Variants in GPC6 observed in about 807,000 individuals in gnomAD.
GPC6 encodes the protein glypican 6, also known as glypican-6.
A neutral mutation model predicts 55.2 loss-of-function variants in GPC6; 14 were observed. The observed-to-expected ratio is 0.25, with a 90% CI of 0.17 to 0.40. GPC6 has a LOEUF of 0.40. Ranked by LOEUF, GPC6 falls within the 10% of genes least tolerant of loss-of-function variation. GPC6 has a pLI of 1.00. For missense variants in GPC6, 641 were observed against 708.5 expected (o/e 0.90, Z 1.08); for synonymous variants, 278 against 259.6 (o/e 1.07, Z -0.68).
At chr13:93,379,129 G>T (rs1875049554) in intron 1 of GPC6, among the ~76,000 whole-genome samples, 1 of 152,102 alleles carries the variant, frequency 6.6e-6, no homozygotes, top group Non-Finnish European at 1.5e-5. Flanking sequence ...TGCACCCTAG[G>T]AGACAGTATC....
Position 93,822,847 on chromosome 13 carries a change from A to ATT in GPC6, c.320-7306_320-7305dup, listed in dbSNP as rs1458827720. Among the ~76,000 whole-genome samples the ATT allele has an allele frequency of 2.9e-3, 418 of 145,838 alleles. 2 individuals are homozygous for ATT. Among genetic ancestry groups the ATT allele is most frequent in the African/African-American group, 0.01 (393 of 38,436 alleles). ...CATTTTCTTTATTATTATTATTATT[A>ATT]TTATTATTTTATTATTATTATTATT... On this transcript the variant is annotated intron_variant, in intron 2 of 8. Transcript: ENST00000377047.
intron 1 of GPC6, among the ~76,000 whole-genome samples, chr13:93,392,098 C>T (rs1875656112): frequency 1.3e-5 from 2 of 152,126 alleles, no homozygotes; most frequent in Admixed American, 1.3e-4. Context: ...GCTTAGGTGT[C>T]TCTGGAAATC....
intron 3 of GPC6, among the ~76,000 whole-genome samples, chr13:93,958,266 G>T (rs890266140): frequency 2.6e-5 from 4 of 151,990 alleles, no homozygotes; most frequent in Non-Finnish European, 4.4e-5. Context: ...TGCTTTGGGG[G>T]ACTAGTCAAA....
intron 3 of GPC6, among the ~76,000 whole-genome samples, chr13:93,854,294 C>T (rs1287747264): frequency 6.6e-6 from 1 of 151,628 alleles, no homozygotes; most frequent in African/African-American, 2.4e-5. Flanking sequence ...ATCTCTGAAT[C>T]CGTATTTATT....
chr13:93,983,477 T>G (rs1880895254), intron 3 of GPC6, among the ~76,000 whole-genome samples: 1 of 151,980 alleles, frequency 6.6e-6, no homozygotes, highest in Non-Finnish European at 1.5e-5. Context: ...ACTCTGTTGG[T>G]CAAGCTGGAG....
intron 3 of GPC6, among the ~76,000 whole-genome samples, chr13:93,922,747 A>G (rs1444794861): frequency 6.6e-6 from 1 of 152,216 alleles, no homozygotes; most frequent in Non-Finnish European, 1.5e-5. Flanking sequence ...TTTCCCATGG[A>G]AAAGCAACTG....
intron 4 of GPC6, among the ~76,000 whole-genome samples, chr13:94,161,469 A>T (rs572765260): frequency 1.3e-5 from 2 of 152,340 alleles, no homozygotes; most frequent in African/African-American, 4.8e-5. Context: ...GTGGCCATTT[A>T]CATGTCTTAT....
chr13:93,585,352 A>G (rs1291351626), intron 2 of GPC6, among the ~76,000 whole-genome samples: 3 of 152,176 alleles, frequency 2.0e-5, no homozygotes, highest in Admixed American at 2.0e-4. Flanking sequence ...ACACACACAC[A>G]CATGCACAAT....
chr13:93,281,582 G>C (rs1366703003), intron 1 of GPC6, among the ~76,000 whole-genome samples: 2 of 152,184 alleles, frequency 1.3e-5, no homozygotes, highest in African/African-American at 4.8e-5. Flanking sequence ...CGGAGGCCAA[G>C]GCAGGTGGAT....
rs115378851 is a variant in GPC6 at position 93,709,057 on chromosome 13, T to C, written c.320-121097T>C. Among the ~76,000 whole-genome samples the C allele has an allele frequency of 3.4e-3, 520 of 151,950 alleles. 4 individuals are homozygous for C. The highest frequency in any genetic ancestry group is 0.012 in the African/African-American group (499 of 41,518). On this transcript the variant is annotated intron_variant, in intron 2 of 8. Transcript: ENST00000377047. ...TTTCTCAATGTAGACCCAGTTAAGATGCACAAATTAAGTGAGAATATTATT... is the reference window on the plus strand; with the variant it reads ...TTTCTCAATGTAGACCCAGTTAAGACGCACAAATTAAGTGAGAATATTATT...
At chr13:94,273,683 A>G (rs1425254305) in intron 4 of GPC6, among the ~76,000 whole-genome samples, 2 of 152,302 alleles carry the variant, frequency 1.3e-5, no homozygotes, top group South Asian at 2.1e-4. Context: ...TACGAGGGCT[A>G]CTGCTCCAGG....
intron 4 of GPC6, among the ~76,000 whole-genome samples, chr13:94,281,849 G>A (rs1892393439): frequency 6.6e-6 from 1 of 152,184 alleles, no homozygotes; most frequent in Admixed American, 6.5e-5. Flanking sequence ...TGCCTTTGGT[G>A]TACCATAATG....
intron 3 of GPC6, among the ~76,000 whole-genome samples, chr13:94,026,193 A>T (rs879162906): frequency 5.3e-5 from 8 of 152,286 alleles, no homozygotes; most frequent in African/African-American, 1.4e-4. Flanking sequence ...TCCTAAAATA[A>T]TTTTTTTAGT....
chr13:93,507,701 C>G (rs1336310855), intron 1 of GPC6, among the ~76,000 whole-genome samples: 1 of 151,938 alleles, frequency 6.6e-6, no homozygotes, highest in Non-Finnish European at 1.5e-5. Flanking sequence ...ATAAAAAATT[C>G]TCAAAAAATT....
At chr13:93,516,376 T>C (rs1009310826) in intron 1 of GPC6, among the ~76,000 whole-genome samples, 3 of 152,142 alleles carry the variant, frequency 2.0e-5, no homozygotes, top group African/African-American at 7.2e-5. Context: ...AATATGGTCT[T>C]GGGGTTAGAA....
At chr13:94,389,274 G>T (rs1282326106) in intron 7 of GPC6, among the ~76,000 whole-genome samples, 1 of 152,094 alleles carries the variant, frequency 6.6e-6, no homozygotes, top group Non-Finnish European at 1.5e-5. Flanking sequence ...TGAACTGAGA[G>T]ACCCTAGGAG....
chr13:93,297,039 C>T (rs1214253087), intron 1 of GPC6, among the ~76,000 whole-genome samples: 5 of 152,106 alleles, frequency 3.3e-5, no homozygotes, highest in Admixed American at 3.3e-4. Flanking sequence ...AGACAGTGAG[C>T]CCCTGTCCTT....
At chr13:94,367,560 C>T (rs1475078707) in intron 6 of GPC6, among the ~76,000 whole-genome samples, 2 of 152,180 alleles carry the variant, frequency 1.3e-5, no homozygotes, top group Non-Finnish European at 2.9e-5. Context: ...ATGTCTCCCA[C>T]ATTTATCCCA....
intron 1 of GPC6, among the ~76,000 whole-genome samples, chr13:93,305,715 A>G (rs1212852394): frequency 6.6e-6 from 1 of 152,180 alleles, no homozygotes; most frequent in African/African-American, 2.4e-5. Context: ...TGTATTATGA[A>G]TGGCTTAAAA....
Sources: allele counts gnomAD v4.1 joint callset (sites outside exome capture counted in the v4.1 genomes callset), GRCh38; gene constraint gnomAD v4.1.1; transcripts MANE v1.5; gene names NCBI Gene and HGNC (gene_info 2026-07-23, HGNC 2026-07-21).